The following AFDN variants were observed in gnomAD, a reference collection of about 807,000 sequenced individuals.
AFDN encodes afadin, adherens junction formation factor.
AFDN carries 68 observed loss-of-function variants against 216.6 expected under a neutral mutation model. The ratio of observed to expected loss-of-function variants is 0.31; its 90% CI spans 0.26 to 0.38. AFDN has a LOEUF of 0.38. AFDN is among the 10% of genes least tolerant of loss of function. The pLI is 1.00. For missense variants in AFDN, 2,136 were observed against 2,342.0 expected, an observed-to-expected ratio of 0.91 and a Z score of 1.82; for synonymous variants, 868 against 853.7, an observed-to-expected ratio of 1.02 and a Z score of -0.29.
At chr6:167,896,216 A>G (rs1373622391) in intron 9 of AFDN, among the ~76,000 whole-genome samples, 1 of 141,302 alleles carries the variant, frequency 7.1e-6, no homozygotes, top group African/African-American at 2.5e-5. Context: ...TCATAAAGGT[A>G]TAAAATGACA....
In AFDN at chr6:167,952,176, C is replaced by T; in HGVS notation, c.4822C>T (p.Arg1608Ter). 6.2e-7 allele frequency: 1 copy of T among 1,614,070 alleles called. No individual in the cohort carries two copies. The highest frequency in any genetic ancestry group is 8.5e-7 in the Non-Finnish European group (1 of 1,179,992). ...GATCATGCAGCGCCTGGAGGCTGAACGAAGAGCGAGGGTAAAGGGGGGAGT... is the reference window on the plus strand; with the variant it reads ...GATCATGCAGCGCCTGGAGGCTGAATGAAGAGCGAGGGTAAAGGGGGGAGT... Reference protein sequence around the residue: ...MLIMQRLEAERRARLQDEERR... With the variant: ...MLIMQRLEAE Residue 1608 changes from arginine (R) to a stop codon, truncating the protein, a stop_gained, in exon 30 of 34, where the codon CGA becomes TGA. Transcript: ENST00000683244. LOFTEE classifies it high-confidence loss of function.
intron 23 of AFDN, among the ~76,000 whole-genome samples, chr6:167,938,974 TATC>T (rs1171226148): frequency 6.6e-6 from 1 of 152,228 alleles, no homozygotes; most frequent in African/African-American, 2.4e-5. Context: ...TCATTTCTGA[TATC>T]ATTCTATTTT....
At chr6:167,952,482 G>C (rs911063577) in intron 30 of AFDN, 2 of 985,306 alleles carry the variant, frequency 2.0e-6, no homozygotes, top group African/African-American at 3.5e-5. Flanking sequence ...TTCCAGTTGA[G>C]AAAACAAGTA....
At chr6:167,828,648 T>G (rs1244007171) in intron 1 of AFDN, among the ~76,000 whole-genome samples, 1 of 152,220 alleles carries the variant, frequency 6.6e-6, no homozygotes, top group East Asian at 1.9e-4. Flanking sequence ...GGTGACATGA[T>G]AATTTAGTTT....
intron 2 of AFDN, among the ~76,000 whole-genome samples, chr6:167,869,730 G>A (rs564959836): frequency 3.5e-4 from 53 of 152,322 alleles, no homozygotes; most frequent in Middle Eastern, 6.8e-3. Context: ...GACCCTCCGT[G>A]GAGTACCATG....
At chr6:167,852,749 A>AT (rs1562553684) in intron 1 of AFDN, among the ~76,000 whole-genome samples, 1 of 151,810 alleles carries the variant, frequency 6.6e-6, no homozygotes, top group Non-Finnish European at 1.5e-5. Flanking sequence ...GCTAACATTG[A>AT]TTTTGTTTTG....
intron 21 of AFDN, among the ~76,000 whole-genome samples, chr6:167,921,323 A>G (rs1243223446): frequency 1.3e-5 from 2 of 152,208 alleles, no homozygotes; most frequent in Non-Finnish European, 2.9e-5. Flanking sequence ...GACATACGTG[A>G]TATTTCCGTG....
At chr6:167,943,019 C>T (rs373647777) in intron 23 of AFDN, 110 bp from the exon 24 acceptor site, 1 of 704,546 alleles carries the variant, frequency 1.4e-6, no homozygotes, top group East Asian at 2.8e-5. Context: ...GACTTTGTTG[C>T]AGTTATCTGT....
intron 9 of AFDN, among the ~76,000 whole-genome samples, chr6:167,894,971 T>C (rs1183199227): frequency 6.6e-6 from 1 of 152,248 alleles, no homozygotes; most frequent in Non-Finnish European, 1.5e-5. Context: ...TGCTTTTGCT[T>C]TCTTTATAAT....
At chr6:167,912,966 T>G (rs1394794291) in intron 15 of AFDN, among the ~76,000 whole-genome samples, 3 of 152,230 alleles carry the variant, frequency 2.0e-5, no homozygotes, top group Non-Finnish European at 4.4e-5. Context: ...TGTTTCTTGG[T>G]CTTTCCTGTC....
At chr6:167,894,228 C>T (rs1009793032) in intron 9 of AFDN, among the ~76,000 whole-genome samples, 3 of 152,002 alleles carry the variant, frequency 2.0e-5, no homozygotes, top group African/African-American at 2.4e-5. Context: ...ACTCGTTGGG[C>T]GGTGCTCAGC....
intron 11 of AFDN, among the ~76,000 whole-genome samples, chr6:167,899,184 T>TA (rs1420347164): frequency 7.2e-5 from 11 of 152,098 alleles, no homozygotes; most frequent in African/African-American, 2.7e-4. Flanking sequence ...ACCCAGACCT[T>TA]ACACATTGGG....
rs1795940415 is a variant in AFDN, at chr6:167,951,245, T to C, written c.3891T>C (p.His1297=). The C allele has an allele frequency of 6.2e-7, 1 of 1,609,204 alleles. No homozygotes were observed. The change falls in exon 30 of 34, where the codon CAT becomes CAC. Residue 1297 remains histidine, a synonymous_variant. Transcript: ENST00000683244. This position sits in a 1 kb window ranked among gnomAD's most constrained non-coding sequence, Gnocchi z 7.1. ...ATAAAGCTTACCAACTTGAGCGGCA[T>C]CGAATAGAGGCAGCTATGGACCGAA... ...REDKAYQLER[H]RIEAAMDRKS...
chr6:167,901,834 G>A (rs1458570572), intron 11 of AFDN, among the ~76,000 whole-genome samples: 6 of 151,982 alleles, frequency 3.9e-5, no homozygotes, highest in Non-Finnish European at 8.8e-5. Context: ...GCTCATGCCT[G>A]TAATCCCCAG....
chr6:167,903,944 T>A (rs191196108), intron 12 of AFDN, among the ~76,000 whole-genome samples: 1 of 152,226 alleles, frequency 6.6e-6, no homozygotes, highest in African/African-American at 2.4e-5. Context: ...CACTTTCTTC[T>A]GTTGGCTTCT....
At chr6:167,961,420 G>C (rs1383270558) in intron 30 of AFDN, among the ~76,000 whole-genome samples, 1 of 152,220 alleles carries the variant, frequency 6.6e-6, no homozygotes, top group African/African-American at 2.4e-5. Context: ...CCAAAAGGGA[G>C]AGTCTTTCTG....
intron 2 of AFDN, among the ~76,000 whole-genome samples, chr6:167,867,162 T>C (rs1445716745): frequency 1.3e-5 from 2 of 152,244 alleles, no homozygotes; most frequent in African/African-American, 2.4e-5. Flanking sequence ...TGCTTTACTT[T>C]TATGATGTAT....
At chr6:167,854,255 GT>G (rs1358217352) in intron 1 of AFDN, among the ~76,000 whole-genome samples, 2 of 151,756 alleles carry the variant, frequency 1.3e-5, no homozygotes, top group Admixed American at 1.3e-4. Context: ...CTGCCTGAAG[GT>G]TTTTTTGGGT....
At chr6:167,875,726 A>G (rs755439363) in intron 5 of AFDN, among the ~76,000 whole-genome samples, 41 of 152,116 alleles carry the variant, frequency 2.7e-4, no homozygotes, top group Non-Finnish European at 5.0e-4. Flanking sequence ...TCTTAAAAAA[A>G]AAAAACTAGA....
Sources: allele counts gnomAD v4.1 joint callset (sites outside exome capture counted in the v4.1 genomes callset), GRCh38; gene constraint gnomAD v4.1.1; non-coding constraint Gnocchi (gnomAD v3.1); transcripts MANE v1.5; gene names NCBI Gene and HGNC (gene_info 2026-07-23, HGNC 2026-07-21).